ZPBP: variants seen among roughly 807,000 people sequenced by gnomAD.
The protein encoded by ZPBP is zona pellucida-binding protein 1.
ZPBP carries 26 observed loss-of-function variants against 44.8 expected under a neutral mutation model. That is an observed-to-expected ratio of 0.58 (90% CI 0.43 to 0.81). The LOEUF (loss-of-function observed/expected upper bound fraction) is 0.81, where lower values mean the gene tolerates loss of function less well. Among genes scored for constraint, ZPBP ranks in the 30% least tolerant of loss-of-function variants. The probability of loss-of-function intolerance (pLI) is 0.00; values close to 1 mark genes in which losing one functional copy is unlikely to be tolerated. For missense variants in ZPBP, 409 were observed against 434.0 expected (o/e 0.94, Z 0.51); for synonymous variants, 174 against 153.2 (o/e 1.14, Z -1.00).
chr7:50,058,980 T>C (rs930942530), intron 3 of ZPBP, among the ~76,000 whole-genome samples: 3 of 152,326 alleles, frequency 2.0e-5, no homozygotes, highest in African/African-American at 7.2e-5. Context: ...TCATAATATA[T>C]GATAGCCTAT....
intron 6 of ZPBP, 66 bp from the exon 7 acceptor site, chr7:49,983,585 A>T: frequency 2.0e-6 from 2 of 975,990 alleles, no homozygotes; most frequent in Non-Finnish European, 3.0e-6. Flanking sequence ...ACAAATAAGG[A>T]TGCATGTGGA....
chr7:50,069,729 G>C (rs76328153), intron 3 of ZPBP, among the ~76,000 whole-genome samples: 2 of 151,834 alleles, frequency 1.3e-5, no homozygotes, highest in East Asian at 3.9e-4. Context: ...CCCTTGCAAC[G>C]CACTTTCACT....
intron 2 of ZPBP, among the ~76,000 whole-genome samples, chr7:49,851,651 A>T (rs766064623): frequency 7.2e-5 from 11 of 152,182 alleles, no homozygotes; most frequent in Non-Finnish European, 1.0e-4. Context: ...TGAGGTCAGG[A>T]GATCGAGACC....
intron 2 of ZPBP, among the ~76,000 whole-genome samples, chr7:49,875,429 T>A (rs534437711): frequency 1.7e-4 from 25 of 143,060 alleles, no homozygotes; most frequent in African/African-American, 6.2e-4. Context: ...ATATATTTTT[T>A]AAAAATAGGA....
At chr7:49,880,928 G>C (rs1249049111) in intron 2 of ZPBP, among the ~76,000 whole-genome samples, 2 of 152,198 alleles carry the variant, frequency 1.3e-5, no homozygotes, top group African/African-American at 4.8e-5. Flanking sequence ...AGGGTGGCAT[G>C]ATGTAATCAT....
chr7:50,061,255 G>A (rs906894732), intron 3 of ZPBP, among the ~76,000 whole-genome samples: 3 of 152,138 alleles, frequency 2.0e-5, no homozygotes, highest in Non-Finnish European at 4.4e-5. Flanking sequence ...ACCAGAACAA[G>A]ACAAGAATGC....
chr7:49,866,156 A>G (rs1173089957), intron 2 of ZPBP, among the ~76,000 whole-genome samples: 4 of 151,950 alleles, frequency 2.6e-5, no homozygotes, highest in Admixed American at 6.6e-5. Flanking sequence ...AAGCCAAACA[A>G]TTCCTTCTTT....
chr7:50,061,715 C>A (rs938297841), intron 3 of ZPBP, among the ~76,000 whole-genome samples: 4 of 152,154 alleles, frequency 2.6e-5, no homozygotes, highest in African/African-American at 9.7e-5. Context: ...TAGCCTGATG[C>A]ATTTCAATGA....
intron 7 of ZPBP, among the ~76,000 whole-genome samples, chr7:49,945,230 T>C (rs577739293): frequency 5.5e-4 from 83 of 152,204 alleles, no homozygotes; most frequent in Non-Finnish European, 1.0e-3. Context: ...TTTCAATTTT[T>C]TGACTTTTTA....
chr7:50,005,258 CAG>C (rs1470203252), intron 6 of ZPBP, among the ~76,000 whole-genome samples: 1 of 151,904 alleles, frequency 6.6e-6, no homozygotes, highest in Non-Finnish European at 1.5e-5. Flanking sequence ...TTACCACCAG[CAG>C]AGTGTGTCTA....
At chr7:50,027,145 C>CCT (rs1554375134) in intron 5 of ZPBP, among the ~76,000 whole-genome samples, 23 of 151,636 alleles carry the variant, frequency 1.5e-4, no homozygotes, top group Non-Finnish European at 3.2e-4. Flanking sequence ...AATATGGACC[C>CCT]TTCCCTTTGG....
At chr7:49,950,641 A>T (rs991658232) in intron 7 of ZPBP, among the ~76,000 whole-genome samples, 2 of 151,768 alleles carry the variant, frequency 1.3e-5, no homozygotes, top group Non-Finnish European at 3.0e-5. Flanking sequence ...ACACAAATTA[A>T]TATGGTATAT....
chr7:49,888,068 T>A (rs1022847730), intron 2 of ZPBP, among the ~76,000 whole-genome samples: 27 of 152,358 alleles, frequency 1.8e-4, no homozygotes, highest in African/African-American at 6.0e-4. Context: ...ATCATGTACA[T>A]CTCTGTCCAA....
At chr7:49,864,192 T>C (rs1790787749) in intron 2 of ZPBP, among the ~76,000 whole-genome samples, 1 of 152,174 alleles carries the variant, frequency 6.6e-6, no homozygotes, top group Admixed American at 6.5e-5. Context: ...CCTTAGATAT[T>C]GTTCAGTTAG....
intron 3 of ZPBP, among the ~76,000 whole-genome samples, chr7:50,080,351 A>G (rs781562405): frequency 3.4e-4 from 52 of 151,768 alleles, no homozygotes; most frequent in Non-Finnish European, 2.7e-4. Flanking sequence ...ATAAAAACCA[A>G]TGTAGTAACA....
rs150461078 is a variant in ZPBP, at chr7:49,860,770, G to A, written n.510-10256C>T. On this transcript the variant is annotated intron_variant and non_coding_transcript_variant, in intron 2 of 2. Coordinates refer to the ZPBP transcript ENST00000465922. ...AATTAAGTTAAATGAGATCATAAGG[G>A]TGAGGCCTTAATCTAATAGGGTTGG... Among the ~76,000 whole-genome samples the A allele has an allele frequency of 1.7e-3, 254 of 152,280 alleles. 3 individuals are homozygous for A. The highest frequency in any genetic ancestry group is 5.4e-3 in the African/African-American group (223 of 41,548).
At chr7:49,845,253 G>A in the ZPBP span, among the ~76,000 whole-genome samples, 1 of 151,240 alleles carries the variant, frequency 6.6e-6, no homozygotes, top group Non-Finnish European at 1.5e-5. Context: ...TAACAAACCT[G>A]CATACACTGC....
At chr7:49,993,705 A>G (rs1438189067) in intron 6 of ZPBP, among the ~76,000 whole-genome samples, 18 of 152,174 alleles carry the variant, frequency 1.2e-4, no homozygotes, top group African/African-American at 3.9e-4. Context: ...GCCATGTAAA[A>G]GGGTTCAGTG....
At chr7:50,076,826 A>T (rs1012583234) in intron 3 of ZPBP, among the ~76,000 whole-genome samples, 1 of 151,904 alleles carries the variant, frequency 6.6e-6, no homozygotes, top group Non-Finnish European at 1.5e-5. Context: ...AACTATACAA[A>T]GCAATCTGGA....
Sources: gnomAD v4.1 joint callset for allele counts (sites outside exome capture counted in the v4.1 genomes callset) on GRCh38, gnomAD v4.1.1 for gene constraint, MANE v1.5 for transcripts, NCBI Gene and HGNC (gene_info 2026-07-23, HGNC 2026-07-21) for gene names.